Variants in NPL observed in about 807,000 individuals in gnomAD.
NPL encodes N-acetylneuraminate pyruvate lyase.
Under a neutral mutation model 41.1 loss-of-function variants are expected in NPL, and 32 were observed. That is an observed-to-expected ratio of 0.78 (90% CI 0.59 to 1.05). The LOEUF (loss-of-function observed/expected upper bound fraction) is 1.05, where lower values mean the gene tolerates loss of function less well. Ranked by LOEUF, NPL falls within the 50% of genes least tolerant of loss-of-function variation. The probability of loss-of-function intolerance (pLI) is 0.00; values close to 1 mark genes in which losing one functional copy is unlikely to be tolerated. For missense variants in NPL, 321 were observed against 378.4 expected (o/e 0.85, Z 1.26); for synonymous variants, 128 against 134.9 (o/e 0.95, Z 0.35).
rs1259915775 is a variant in NPL at position 182,829,809 on chromosome 1, A to T, written c.*901A>T. The T allele has an allele frequency of 3.1e-6, 2 of 636,780 alleles. No individual in the cohort carries two copies. The highest frequency in any genetic ancestry group is 5.6e-6 in the Non-Finnish European group (2 of 357,686). The allele number at this position is 636,780 out of a possible 1,614,324, so 39.4% of individuals were successfully genotyped here. A position where few individuals can be genotyped will look rare whatever the true frequency, so the allele number is the denominator to read the frequency against. Reference sequence around the variant, plus strand: ...CTAGTGACTTTTGTTTAGTGATAGAAGATTTGGGGAGGACCCAAAGGACTC... The same window carrying T: ...CTAGTGACTTTTGTTTAGTGATAGATGATTTGGGGAGGACCCAAAGGACTC... On this transcript the variant is annotated 3_prime_UTR_variant, in exon 13 of 13. Coordinates refer to ENST00000367553, the MANE Select transcript of NPL (RefSeq NM_030769.3).
intron 8 of NPL, among the ~76,000 whole-genome samples, chr1:182,817,913 A>T (rs116622104): frequency 2.0e-5 from 3 of 152,292 alleles, no homozygotes; most frequent in Non-Finnish European, 4.4e-5. Context: ...TTCATTATAT[A>T]GGCATGATTG....
chr1:182,822,049 G>A (rs1401226826), intron 10 of NPL, 66 bp from the exon 11 acceptor site: 15 of 1,036,778 alleles, frequency 1.4e-5, no homozygotes, highest in Non-Finnish European at 2.3e-5. Context: ...ACAGCAGAGG[G>A]ATTTGAAGAT....
chr1:182,823,502 C>T (rs1372947253), intron 11 of NPL, among the ~76,000 whole-genome samples: 1 of 152,142 alleles, frequency 6.6e-6, no homozygotes, highest in Non-Finnish European at 1.5e-5. Context: ...AAGCTAAGAA[C>T]AGGAACAGGG....
chr1:182,823,022 C>T (rs1667532206), intron 11 of NPL, among the ~76,000 whole-genome samples: 1 of 152,322 alleles, frequency 6.6e-6, no homozygotes, highest in South Asian at 2.1e-4. Flanking sequence ...GCATGCGCCA[C>T]CATGCCCAGC....
chr1:182,806,552 C>T lies in NPL; in HGVS notation c.230+320C>T, dbSNP rs114276429. The T allele has an allele frequency of 1.6e-3, 2,454 of 1,535,176 alleles. 20 individuals are homozygous for T. In the African/African-American group the frequency reaches 0.025, roughly 16 times the overall value. On this transcript the variant is annotated intron_variant, in intron 5 of 12. Coordinates refer to ENST00000367553, the MANE Select transcript of NPL (RefSeq NM_030769.3). ...GAAAGGTAAGAGGGGAGGGTGGTGA[C>T]GGACTCTGCTGGTCACTTGGCTCTT... is the stretch of plus-strand genomic sequence containing the variant.
chr1:182,797,034 C>CAAAAAAA (rs59582125), intron 3 of NPL, among the ~76,000 whole-genome samples: 3 of 96,018 alleles, frequency 3.1e-5, no homozygotes, highest in African/African-American at 7.1e-5. Context: ...GAATATGTCT[C>CAAAAAAA]AAAAAAAAAA....
Position 182,812,201 on chromosome 1 carries a change from G to A in NPL, c.276G>A (p.Glu92=). The A allele has an allele frequency of 6.2e-7, 1 of 1,613,846 alleles. No homozygotes were observed. Among genetic ancestry groups the A allele is most frequent in the Non-Finnish European group, 8.5e-7 (1 of 1,179,734 alleles). ...ACGTAGGAGCACTGAGCTTGAAGGA[G>A]TCACAGGAACTGGTATGTATGCAGT... ...IIHVGALSLK[E]SQELAQHAAE... is the part of the protein sequence containing the mutation. Residue 92 remains glutamate, a synonymous_variant, in exon 6 of 13, where the codon GAG becomes GAA. Transcript: ENST00000367553.
Position 182,794,345 on chromosome 1 carries a change from A to G in NPL, c.-16-11A>G, listed in dbSNP as rs192340877. On this transcript the variant is annotated splice_polypyrimidine_tract_variant and intron_variant, in intron 2 of 12. Coordinates refer to ENST00000367553, the MANE Select transcript of NPL (RefSeq NM_030769.3). ...TGAAGAAAGAGAGAAATTACATTGT[A>G]TGTTTTCCAGACCTACCAGCAGCTC... 17 of 1,608,742 alleles carry G rather than the reference A, an allele frequency of 1.1e-5. No individual in the cohort carries two copies. In the African/African-American group the frequency reaches 2.1e-4, roughly 20 times the overall value.
chr1:182,798,429 T>A (rs2102531045), intron 3 of NPL, among the ~76,000 whole-genome samples: 1 of 152,196 alleles, frequency 6.6e-6, no homozygotes, highest in East Asian at 1.9e-4. Context: ...GGTTTCATCA[T>A]GTTGGCCAGG....
intron 5 of NPL, among the ~76,000 whole-genome samples, chr1:182,807,647 C>T (rs1254501059): frequency 2.1e-5 from 3 of 145,950 alleles, no homozygotes; most frequent in South Asian, 4.4e-4. Context: ...GAGGCCAAGG[C>T]GGGCGGATCA....
chr1:182,822,501 T>C lies in NPL; in HGVS notation c.738+302T>C, dbSNP rs369713785. On this transcript the variant is annotated intron_variant, in intron 11 of 12. Coordinates refer to ENST00000367553, the MANE Select transcript of NPL (RefSeq NM_030769.3). ...GTGACTATAATAAAATGGTCATAGA[T>C]TTCTGGGAAAATGACCACAGGCTGT... is the stretch of plus-strand genomic sequence containing the variant. Among the ~76,000 whole-genome samples, 3 of 152,328 alleles carry C rather than the reference T, an allele frequency of 2.0e-5. No individual in the cohort carries two copies. In the East Asian group the frequency reaches 5.8e-4, roughly 29 times the overall value.
At chr1:182,819,704 C>T (rs1013074296) in intron 10 of NPL, among the ~76,000 whole-genome samples, 1 of 152,178 alleles carries the variant, frequency 6.6e-6, no homozygotes, top group Non-Finnish European at 1.5e-5. Context: ...ATGAATTGAG[C>T]ACATGCACAG....
At chr1:182,793,291 C>G (rs1412376126) in intron 2 of NPL, among the ~76,000 whole-genome samples, 1 of 152,136 alleles carries the variant, frequency 6.6e-6, no homozygotes, top group African/African-American at 2.4e-5. Context: ...CCAGTCTGCT[C>G]TGTTGCTTCT....
intron 5 of NPL, chr1:182,806,662 C>A: frequency 9.7e-7 from 1 of 1,032,528 alleles, no homozygotes; most frequent in Non-Finnish European, 1.4e-6. Context: ...GGTCTCTGTG[C>A]ATCCAACTCA....
chr1:182,818,278 T>C (rs1177332643), intron 8 of NPL, among the ~76,000 whole-genome samples: 1 of 152,198 alleles, frequency 6.6e-6, no homozygotes, highest in Non-Finnish European at 1.5e-5. Context: ...TTGGGTACTT[T>C]GTCTCAGGAA....
chr1:182,826,560 C>T (rs1667635465), intron 12 of NPL: 1 of 152,312 alleles, frequency 6.6e-6, no homozygotes, highest in Non-Finnish European at 1.5e-5. Flanking sequence ...CTCATTCTTG[C>T]AGGGTTCTCA....
chr1:182,812,307 T>C, intron 6 of NPL, 94 bp downstream of exon 6: 1 of 1,069,836 alleles, frequency 9.3e-7, no homozygotes, highest in Non-Finnish European at 1.4e-6. Flanking sequence ...ATGTAGTAGA[T>C]GGTGTGCCTG....
intron 5 of NPL, chr1:182,806,564 G>A: frequency 6.5e-7 from 1 of 1,533,276 alleles, no homozygotes; most frequent in South Asian, 1.2e-5. Context: ...GACTCTGCTG[G>A]TCACTTGGCT....
rs1667502332 is a variant in NPL at position 182,822,095 on chromosome 1, A to G, written c.654-20A>G. The G allele has an allele frequency of 3.9e-6, 6 of 1,522,664 alleles. No homozygotes were observed. The highest frequency in any genetic ancestry group is 5.5e-6 in the Non-Finnish European group (6 of 1,096,868). 94.3% of individuals were successfully genotyped at this position (1,522,664 alleles called of 1,614,324 possible). ...CCTGTTGAGTTATTGAACCTGCAGT[A>G]TTTGTTATTGTCTTGCCAGTACCTA... On this transcript the variant is annotated intron_variant, in intron 10 of 12. Coordinates refer to ENST00000367553, the MANE Select transcript of NPL (RefSeq NM_030769.3).
Sources: gnomAD v4.1 joint callset for allele counts (sites outside exome capture counted in the v4.1 genomes callset) on GRCh38, gnomAD v4.1.1 for gene constraint, MANE v1.5 for transcripts, NCBI Gene and HGNC (gene_info 2026-07-23, HGNC 2026-07-21) for gene names.